Variants in SIPA1L3 observed in about 807,000 individuals in gnomAD.
The protein encoded by SIPA1L3 is signal induced proliferation associated 1 like 3, also known as signal-induced proliferation-associated 1-like protein 3.
In SIPA1L3, 59 loss-of-function variants were observed where a neutral mutation model predicts 150.1. The observed-to-expected ratio is 0.39, with a 90% CI of 0.32 to 0.49. The LOEUF is 0.49. Ranked by LOEUF, SIPA1L3 falls within the 20% of genes least tolerant of loss-of-function variation. SIPA1L3 has a pLI of 0.86. For synonymous variants in SIPA1L3, 1,070 were observed against 1,077.6 expected, an observed-to-expected ratio of 0.99 and a Z score of 0.14; for missense variants, 2,211 against 2,489.5, an observed-to-expected ratio of 0.89 and a Z score of 2.38.
chr19:38,117,453 C>G (rs1365721115), intron 8 of SIPA1L3, among the ~76,000 whole-genome samples: 1 of 152,058 alleles, frequency 6.6e-6, no homozygotes, highest in African/African-American at 2.4e-5. Context: ...AACCCTGTCT[C>G]TACTAAAAAT....
At chr19:38,134,209 C>G (rs1187926955) in intron 10 of SIPA1L3, among the ~76,000 whole-genome samples, 2 of 150,346 alleles carry the variant, frequency 1.3e-5, no homozygotes, top group African/African-American at 2.4e-5. Context: ...GTCTCAAACT[C>G]CTGACCTCAT....
chr19:38,020,976 T>C (rs1016023449), intron 1 of SIPA1L3, among the ~76,000 whole-genome samples: 1 of 152,164 alleles, frequency 6.6e-6, no homozygotes, highest in African/African-American at 2.4e-5. Context: ...AATTTTTGTA[T>C]TTTTAGTAGA....
At chr19:38,089,112 G>A (rs1033693588) in intron 4 of SIPA1L3, among the ~76,000 whole-genome samples, 1 of 152,012 alleles carries the variant, frequency 6.6e-6, no homozygotes, top group Non-Finnish European at 1.5e-5. Flanking sequence ...TTGAGATCAA[G>A]AGTTCAAGAC....
intron 20 of SIPA1L3, 106 bp downstream of exon 20, chr19:38,202,103 C>T (rs950653020): frequency 1.0e-5 from 12 of 1,184,472 alleles, no homozygotes; most frequent in Non-Finnish European, 1.4e-5. Flanking sequence ...CCACCACTCT[C>T]CGGGCGGAAG....
intron 15 of SIPA1L3, among the ~76,000 whole-genome samples, chr19:38,181,799 T>C (rs958489959): frequency 6.7e-6 from 1 of 148,998 alleles, no homozygotes; most frequent in African/African-American, 2.5e-5. Context: ...TGAGCTGAGA[T>C]TGCACCACTG....
At chr19:37,980,966 T>G (rs1381195318) in intron 1 of SIPA1L3, among the ~76,000 whole-genome samples, 1 of 152,202 alleles carries the variant, frequency 6.6e-6, no homozygotes, top group Non-Finnish European at 1.5e-5. Context: ...GTTCTCATCT[T>G]TTCAGTAGAC....
At chr19:37,989,245 G>A (rs1156237115) in intron 1 of SIPA1L3, among the ~76,000 whole-genome samples, 2 of 152,158 alleles carry the variant, frequency 1.3e-5, no homozygotes, top group Non-Finnish European at 2.9e-5. Flanking sequence ...TTAAAGACAA[G>A]ATATTGCTCT....
chr19:37,983,905 C>CAA (rs397859822), intron 1 of SIPA1L3, among the ~76,000 whole-genome samples: 19 of 75,818 alleles, frequency 2.5e-4, no homozygotes, highest in African/African-American at 4.4e-4. Context: ...GACCCCATCT[C>CAA]AAAAAAAAAA....
chr19:37,998,170 GA>G (rs1967691400), intron 1 of SIPA1L3, among the ~76,000 whole-genome samples: 2 of 152,170 alleles, frequency 1.3e-5, no homozygotes, highest in African/African-American at 4.8e-5. Flanking sequence ...TGCATGAATG[GA>G]AAATCTGAGT....
At chr19:38,045,759 C>T (rs958161878) in intron 2 of SIPA1L3, among the ~76,000 whole-genome samples, 5 of 151,848 alleles carry the variant, frequency 3.3e-5, no homozygotes, top group African/African-American at 1.2e-4. Flanking sequence ...GAGGCTGGGG[C>T]ATTTTGGCTG....
intron 1 of SIPA1L3, among the ~76,000 whole-genome samples, chr19:38,006,859 T>C (rs1182421719): frequency 6.6e-6 from 1 of 152,186 alleles, no homozygotes; most frequent in Non-Finnish European, 1.5e-5. Context: ...AGGTTATTCA[T>C]TACAGCAGTG....
chr19:38,140,044 T>C (rs1314759962), intron 10 of SIPA1L3, among the ~76,000 whole-genome samples: 4 of 152,138 alleles, frequency 2.6e-5, no homozygotes, highest in Admixed American at 2.0e-4. Flanking sequence ...GGAACACACA[T>C]CCAGACCATA....
intron 10 of SIPA1L3, among the ~76,000 whole-genome samples, chr19:38,139,897 G>A (rs1030526336): frequency 6.6e-6 from 1 of 152,140 alleles, no homozygotes; most frequent in Admixed American, 6.5e-5. Context: ...GAGAAGAAGA[G>A]AGAGAGTCCA....
intron 18 of SIPA1L3, among the ~76,000 whole-genome samples, chr19:38,195,802 G>GCC (rs976090881): frequency 9.9e-5 from 2 of 20,252 alleles, no homozygotes; most frequent in East Asian, 9.6e-4. Flanking sequence ...GTCCCCCCCC[G>GCC]CCCCCCCGGG....
rs543538861 is a variant in SIPA1L3, at chr19:38,107,056, AG to A, written c.2133+419del. On this transcript the variant is annotated intron_variant, in intron 7 of 21. Coordinates refer to ENST00000222345, the MANE Select transcript of SIPA1L3 (RefSeq NM_015073.3). ...GCTGGCCTCAGGTCTGGTTGGATCC[AG>A]GGACTCCAACAATATTAGGAATCCT... 1.5e-3 allele frequency among the ~76,000 whole-genome samples: 235 copies of A among 152,368 alleles called. 1 individual carries two copies. The highest frequency in any genetic ancestry group is 5.1e-3 in the African/African-American group (214 of 41,594).
intron 1 of SIPA1L3, among the ~76,000 whole-genome samples, chr19:37,923,526 T>TA (rs1316640843): frequency 6.6e-6 from 1 of 152,176 alleles, no homozygotes; most frequent in Non-Finnish European, 1.5e-5. Flanking sequence ...ACAGGGCACT[T>TA]ACCGTGGATG....
rs185837545 is a variant in SIPA1L3 at position 38,009,522 on chromosome 19, C to T, written c.-378-19567C>T. 2.0e-5 allele frequency among the ~76,000 whole-genome samples: 3 copies of T among 152,208 alleles called. No individual in the cohort carries two copies. In the East Asian group the frequency reaches 5.8e-4, roughly 29 times the overall value. Reference sequence around the variant, plus strand: ...TATTTCCGTTGTAATAACATCTTTGCCAGTGTGCTTTTGAGGGTCCTTCTG... The same window carrying T: ...TATTTCCGTTGTAATAACATCTTTGTCAGTGTGCTTTTGAGGGTCCTTCTG... On this transcript the variant is annotated intron_variant, in intron 1 of 21. Coordinates refer to ENST00000222345, the MANE Select transcript of SIPA1L3 (RefSeq NM_015073.3).
At chr19:38,026,549 G>C (rs542150779) in intron 1 of SIPA1L3, among the ~76,000 whole-genome samples, 2 of 152,308 alleles carry the variant, frequency 1.3e-5, no homozygotes, top group South Asian at 4.1e-4. Context: ...CTGAGGAAGA[G>C]AAATAGATGC....
At chr19:37,940,298 C>CA (rs112289247) in intron 1 of SIPA1L3, among the ~76,000 whole-genome samples, 4,498 of 134,840 alleles carry the variant, frequency 0.033, 124 homozygotes, top group African/African-American at 0.081. Context: ...AACAAACAAA[C>CA]AAAAAAAAAA....
Sources: allele counts gnomAD v4.1 joint callset (sites outside exome capture counted in the v4.1 genomes callset), GRCh38; gene constraint gnomAD v4.1.1; transcripts MANE v1.5; gene names NCBI Gene and HGNC (gene_info 2026-07-23, HGNC 2026-07-21).